The following CAMKMT variants were observed in gnomAD, a reference collection of about 807,000 sequenced individuals.
The protein encoded by CAMKMT is CaM KMT.
A neutral mutation model predicts 48.0 loss-of-function variants in CAMKMT; 53 were observed. The ratio of observed to expected loss-of-function variants is 1.10; its 90% CI spans 0.89 to 1.39. The LOEUF (loss-of-function observed/expected upper bound fraction) is 1.39. Ranked by LOEUF, CAMKMT falls within the 40% of genes most tolerant of loss-of-function variation. The pLI, the probability that CAMKMT is intolerant of heterozygous loss-of-function variation, is 0.00. For missense variants in CAMKMT, 428 were observed against 402.7 expected (o/e 1.06, Z -0.54); for synonymous variants, 165 against 152.3 (o/e 1.08, Z -0.61).
intron 3 of CAMKMT, among the ~76,000 whole-genome samples, chr2:44,698,980 G>A (rs931141587): frequency 2.0e-5 from 3 of 152,140 alleles, no homozygotes; most frequent in Admixed American, 6.5e-5. Flanking sequence ...TTACCCGTGC[G>A]TAAGAAGGAA....
At chr2:44,721,847 AGAGGG>A (rs922642823) in intron 7 of CAMKMT, among the ~76,000 whole-genome samples, 50 of 126,466 alleles carry the variant, frequency 4.0e-4, no homozygotes, top group African/African-American at 1.4e-3. Context: ...AGAGGAGAGG[AGAGGG>A]GAGGGGAGGG....
intron 3 of CAMKMT, among the ~76,000 whole-genome samples, chr2:44,430,718 C>G (rs572899300): frequency 2.5e-4 from 38 of 151,978 alleles, no homozygotes; most frequent in African/African-American, 9.2e-4. Context: ...TCTTTTTTTC[C>G]TGTGTTGGAT....
At chr2:44,673,438 AAAAAG>A (rs926874356) in intron 3 of CAMKMT, among the ~76,000 whole-genome samples, 3 of 149,750 alleles carry the variant, frequency 2.0e-5, no homozygotes, top group Non-Finnish European at 4.4e-5. Context: ...AAAAAAAAAA[AAAAAG>A]AGAGAGAGAA....
intron 2 of CAMKMT, among the ~76,000 whole-genome samples, chr2:44,388,509 A>G (rs889065656): frequency 2.0e-5 from 3 of 152,034 alleles, no homozygotes; most frequent in African/African-American, 4.8e-5. Context: ...TTTCAGGTAA[A>G]TCAGGGATTT....
chr2:44,755,159 C>T (rs1680318318), intron 9 of CAMKMT, among the ~76,000 whole-genome samples: 2 of 152,084 alleles, frequency 1.3e-5, no homozygotes, highest in Admixed American at 1.3e-4. Flanking sequence ...CTCTATGTAG[C>T]TCAGAAACTT....
At chr2:44,390,150 C>A (rs1681184169) in intron 2 of CAMKMT, 91 bp from the exon 3 acceptor site, 2 of 880,802 alleles carry the variant, frequency 2.3e-6, no homozygotes, top group Middle Eastern at 2.2e-4. Flanking sequence ...ATTGGGTATA[C>A]CATAATATAC....
chr2:44,677,630 C>T (rs1675784082), intron 3 of CAMKMT, among the ~76,000 whole-genome samples: 1 of 151,954 alleles, frequency 6.6e-6, no homozygotes, highest in Non-Finnish European at 1.5e-5. Context: ...ATCACTTGAA[C>T]CAGGGAGGTG....
chr2:44,492,924 T>TG (rs1669579287), intron 3 of CAMKMT, among the ~76,000 whole-genome samples: 1 of 151,612 alleles, frequency 6.6e-6, no homozygotes, highest in Non-Finnish European at 1.5e-5. Flanking sequence ...GACACAGTCT[T>TG]GCCCTGTCGC....
chr2:44,656,860 G>A (rs1237859270), intron 3 of CAMKMT, among the ~76,000 whole-genome samples: 1 of 151,978 alleles, frequency 6.6e-6, no homozygotes, highest in Non-Finnish European at 1.5e-5. Flanking sequence ...ACTTATATTC[G>A]AACAATGTGA....
At chr2:44,617,959 C>G (rs530535851) in intron 3 of CAMKMT, among the ~76,000 whole-genome samples, 3 of 152,266 alleles carry the variant, frequency 2.0e-5, no homozygotes, top group African/African-American at 7.2e-5. Flanking sequence ...CCAAATATAG[C>G]AGAAGCATAC....
chr2:44,407,209 T>G (rs1283798535), intron 3 of CAMKMT, among the ~76,000 whole-genome samples: 2 of 152,068 alleles, frequency 1.3e-5, no homozygotes, highest in Admixed American at 1.3e-4. Context: ...TCTTAGAGAG[T>G]TTTTTTCAAT....
intron 3 of CAMKMT, among the ~76,000 whole-genome samples, chr2:44,614,194 A>AT (rs1219492240): frequency 2.6e-5 from 4 of 152,214 alleles, no homozygotes; most frequent in Non-Finnish European, 5.9e-5. Flanking sequence ...AAGAGAGGGC[A>AT]TTTTGGGCAA....
intron 3 of CAMKMT, among the ~76,000 whole-genome samples, chr2:44,699,215 T>G (rs865931409): frequency 6.6e-6 from 1 of 152,240 alleles, no homozygotes; most frequent in Admixed American, 6.5e-5. Flanking sequence ...CAGAAGATTT[T>G]CAACTGACTT....
intron 7 of CAMKMT, among the ~76,000 whole-genome samples, chr2:44,733,054 T>C (rs889124610): frequency 1.3e-5 from 2 of 152,326 alleles, no homozygotes; most frequent in East Asian, 3.9e-4. Flanking sequence ...TTTATAGTTT[T>C]GGGTTTTACA....
At chr2:44,514,246 G>T (rs1272910124) in intron 3 of CAMKMT, among the ~76,000 whole-genome samples, 1 of 152,110 alleles carries the variant, frequency 6.6e-6, no homozygotes, top group Non-Finnish European at 1.5e-5. Flanking sequence ...TCCAAGAAGG[G>T]CAAATGTGTT....
intron 8 of CAMKMT, among the ~76,000 whole-genome samples, chr2:44,749,195 G>A (rs1680048003): frequency 6.6e-6 from 1 of 152,172 alleles, no homozygotes; most frequent in Non-Finnish European, 1.5e-5. Flanking sequence ...AACCTGTGAT[G>A]ACCAAAGACA....
intron 3 of CAMKMT, among the ~76,000 whole-genome samples, chr2:44,516,149 C>T (rs1392288368): frequency 1.3e-5 from 2 of 152,126 alleles, no homozygotes; most frequent in South Asian, 2.1e-4. Context: ...CCAAATGTTC[C>T]AGTAATCCTG....
chr2:44,466,175 T>C (rs1188869266), intron 3 of CAMKMT, among the ~76,000 whole-genome samples: 1 of 152,198 alleles, frequency 6.6e-6, no homozygotes, highest in Non-Finnish European at 1.5e-5. Context: ...TATAGTCCAA[T>C]TGGATCTAAC....
chr2:44,444,731 C>T (rs1666876822), intron 3 of CAMKMT, among the ~76,000 whole-genome samples: 1 of 152,120 alleles, frequency 6.6e-6, no homozygotes, highest in Non-Finnish European at 1.5e-5. Context: ...AAATAGGGTG[C>T]CCATCACCCA....
Sources: gnomAD v4.1 joint callset for allele counts (sites outside exome capture counted in the v4.1 genomes callset) on GRCh38, gnomAD v4.1.1 for gene constraint, MANE v1.5 for transcripts, NCBI Gene and HGNC (gene_info 2026-07-23, HGNC 2026-07-21) for gene names.